ZNF652: variants seen among roughly 807,000 people sequenced by gnomAD.
ZNF652 encodes the protein zinc finger protein 652.
In ZNF652, 16 loss-of-function variants were observed where a neutral mutation model predicts 45.2. The observed-to-expected ratio is 0.35, with a 90% CI of 0.24 to 0.54. ZNF652 has a LOEUF of 0.54. Among genes scored for constraint, ZNF652 ranks in the 20% least tolerant of loss-of-function variants. The pLI is 0.91. For missense variants in ZNF652, 614 were observed against 765.6 expected (o/e 0.80, Z 2.34); for synonymous variants, 250 against 260.6 (o/e 0.96, Z 0.39).
At chr17:49,320,472 C>A (rs1287559336) in intron 1 of ZNF652, among the ~76,000 whole-genome samples, 1 of 152,166 alleles carries the variant, frequency 6.6e-6, no homozygotes, top group Non-Finnish European at 1.5e-5. Flanking sequence ...TATTTGACTC[C>A]AGGCCTGCCT....
chr17:49,308,781 G>A, intron 5 of ZNF652, among the ~76,000 whole-genome samples: 1 of 149,948 alleles, frequency 6.7e-6, no homozygotes. Context: ...CAGCCTGGGT[G>A]ACAGAGCAAT....
At chr17:49,319,372 C>T (rs527284117) in intron 1 of ZNF652, among the ~76,000 whole-genome samples, 3 of 151,548 alleles carry the variant, frequency 2.0e-5, no homozygotes, top group African/African-American at 7.3e-5. Context: ...CAGTGGCTCA[C>T]GCCTGTAATC....
Position 49,298,589 on chromosome 17 carries a change from G to C in ZNF652, c.1645C>G (p.His549Asp). The C allele has an allele frequency of 6.2e-7, 1 of 1,612,078 alleles. No homozygotes were observed. Among genetic ancestry groups the C allele is most frequent in the Non-Finnish European group, 8.5e-7 (1 of 1,179,202 alleles). The change falls in exon 6 of 6, where the codon CAC becomes GAC. Residue 549 changes from histidine to aspartate, a missense_variant. Transcript: ENST00000430262. The part of the protein sequence containing the change: ...PPRPIPHPFS[H>D]LHIHPHPHHP... ...TGAGGGTGTGGGTGGATGTGCAGGT[G>C]TGAGAAGGGGTGGGGGATGGGCCGA...
intron 5 of ZNF652, among the ~76,000 whole-genome samples, chr17:49,308,085 A>C (rs1167497365): frequency 1.3e-5 from 2 of 152,066 alleles, no homozygotes; most frequent in African/African-American, 4.8e-5. Flanking sequence ...ATATGCCAAA[A>C]TGTTAAGAGT....
intron 2 of ZNF652, among the ~76,000 whole-genome samples, chr17:49,313,436 C>T (rs1037033790): frequency 6.6e-6 from 1 of 152,144 alleles, no homozygotes; most frequent in Admixed American, 6.6e-5. Flanking sequence ...CGATTACAGG[C>T]ATGAGTCACC....
chr17:49,332,235 TC>T (rs2070032745), intron 1 of ZNF652, among the ~76,000 whole-genome samples: 1 of 152,194 alleles, frequency 6.6e-6, no homozygotes, highest in Non-Finnish European at 1.5e-5. Context: ...ACCACTGCAC[TC>T]CAGCCTGGGG....
rs1416239119 is a variant in ZNF652, at chr17:49,289,448, A to G, written c.*8965T>C. On this transcript the variant is annotated 3_prime_UTR_variant, in exon 6 of 6. Transcript: ENST00000430262. ...GAGTTGAAATAAAAAAGTGCATTTCAATTGCTAAAAAAATAATATCGGTAT... is the reference window on the plus strand; with the variant it reads ...GAGTTGAAATAAAAAAGTGCATTTCGATTGCTAAAAAAATAATATCGGTAT... 1 of 152,228 alleles carries G rather than the reference A, an allele frequency of 6.6e-6. No individual in the cohort carries two copies. The highest frequency in any genetic ancestry group is 1.5e-5 in the Non-Finnish European group (1 of 68,028). The allele number at this position is 152,228 out of a possible 1,614,324, so 9.4% of individuals were successfully genotyped here.
chr17:49,333,919 A>ATGT (rs2070053881), intron 1 of ZNF652, among the ~76,000 whole-genome samples: 1 of 152,016 alleles, frequency 6.6e-6, no homozygotes, highest in Non-Finnish European at 1.5e-5. Flanking sequence ...GAAGCCTCAT[A>ATGT]TGTTACTGGT....
rs375103284 is a variant in ZNF652, at chr17:49,298,756, C to T, written c.1478G>A (p.Arg493Gln). Residue 493 changes from arginine to glutamine, a missense_variant, in exon 6 of 6, where the codon CGG becomes CAG. By Grantham distance (43) the Arg-to-Gln change is conservative. Transcript: ENST00000430262. Reference protein sequence around the residue: ...MLKAHKEKCFRVTSPVNVPPA... With the variant: ...MLKAHKEKCFQVTSPVNVPPA... The stretch of plus-strand genomic sequence containing the variant: ...TGGCACATTCACGGGGCTGGTCACC[C>T]GAAAGCACTTCTCCTTGTGGGCCTT... 9.9e-6 allele frequency: 16 copies of T among 1,613,832 alleles called. No homozygotes were observed. Among genetic ancestry groups the T allele is most frequent in the African/African-American group, 2.7e-5 (2 of 74,840 alleles).
At chr17:49,312,160 T>TC (rs1491563737) in intron 3 of ZNF652, 118 bp from the exon 4 acceptor site, 20 of 78,078 alleles carry the variant, frequency 2.6e-4, no homozygotes, top group Admixed American at 4.5e-4. Flanking sequence ...TTTGTGAGGC[T>TC]TTTTTTTTTT....
chr17:49,317,332 T>C lies in ZNF652; in HGVS notation c.394A>G (p.Lys132Glu). ...TGAGAAGAGACACCCTTTTCCCCTTTAGATACATTTAATGTTTGATTATTA... is the reference window on the plus strand; with the variant it reads ...TGAGAAGAGACACCCTTTTCCCCTTCAGATACATTTAATGTTTGATTATTA... ...NLNNQTLNVS[K>E]GEKGVSSQSK... is the part of the protein sequence containing the mutation. Residue 132 changes from lysine (K) to glutamate (E), a missense_variant, in exon 2 of 6, where the codon AAA (lysine) becomes GAA (glutamate). Around this residue, in one of 5 missense-constraint regions of ZNF652, gnomAD observed 262 missense variants for 306.3 expected, o/e 0.86. Transcript: ENST00000430262. 6.2e-7 allele frequency: 1 copy of C among 1,613,668 alleles called. No individual in the cohort carries two copies. Among genetic ancestry groups the C allele is most frequent in the South Asian group, 1.1e-5 (1 of 91,082 alleles).
In ZNF652 at chr17:49,294,909, T is replaced by C. The variant is rs919353104; in HGVS notation, c.*3504A>G. ...ACAGATAACAAGTAGGTAAAAAGTT[T>C]TGAAGAATTCATGGGGTGCTGTAGC... On this transcript the variant is annotated 3_prime_UTR_variant, in exon 6 of 6. Coordinates refer to ENST00000430262, the MANE Select transcript of ZNF652 (RefSeq NM_001145365.3). 11 of 152,208 alleles carry C rather than the reference T, an allele frequency of 7.2e-5. No homozygotes were observed. The highest frequency in any genetic ancestry group is 2.0e-4 in the Admixed American group (3 of 15,270). 9.4% of individuals were successfully genotyped at this position (152,208 alleles called of 1,614,324 possible). A position where few individuals can be genotyped will look rare whatever the true frequency, so the allele number is the denominator to read the frequency against.
intron 1 of ZNF652, among the ~76,000 whole-genome samples, chr17:49,344,982 A>C (rs2070189156): frequency 6.6e-6 from 1 of 152,168 alleles, no homozygotes. Context: ...TTATCTAAGA[A>C]TCAAAAAGTT....
At chr17:49,351,239 T>G (rs888221198) in intron 1 of ZNF652, among the ~76,000 whole-genome samples, 1 of 151,766 alleles carries the variant, frequency 6.6e-6, no homozygotes, top group Non-Finnish European at 1.5e-5. Context: ...AAAACCTGAC[T>G]GACTTCTGAC....
chr17:49,308,924 ATAAC>A (rs1348040739), intron 5 of ZNF652, among the ~76,000 whole-genome samples: 1 of 152,206 alleles, frequency 6.6e-6, no homozygotes, highest in Admixed American at 6.5e-5. Flanking sequence ...AATTTATACA[ATAAC>A]TAAAATAATC....
In ZNF652 at chr17:49,291,176, TC is replaced by T. The variant is rs1415934214; in HGVS notation, c.*7236del. On this transcript the variant is annotated 3_prime_UTR_variant, in exon 6 of 6. Transcript: ENST00000430262. ...AGGAGCTCTAGCAGAATAAAATACT[TC>T]CCACCAACTTTCAAATGCAATGAAA... 3.3e-5 allele frequency: 5 copies of T among 152,156 alleles called. No individual in the cohort carries two copies. The highest frequency in any genetic ancestry group is 6.5e-5 in the Admixed American group (1 of 15,272). 9.4% of individuals were successfully genotyped at this position (152,156 alleles called of 1,614,324 possible).
rs1362264321 is a variant in ZNF652 at position 49,327,763 on chromosome 17, ATATATATATATATATATTTTTTT to A, written c.-258-9803_-258-9781del. ...TATATATATATATATATATATATAT[ATATATATATATATATATTTTTTT>A]TTTTTTTTTTTAGTAGAGATAGGGT... On this transcript the variant is annotated intron_variant, in intron 1 of 5. Coordinates refer to ENST00000430262, the MANE Select transcript of ZNF652 (RefSeq NM_001145365.3). 5.9e-3 allele frequency among the ~76,000 whole-genome samples: 36 copies of A among 6,116 alleles called. 1 individual carries two copies. Among genetic ancestry groups the A allele is most frequent in the African/African-American group, 0.022 (31 of 1,392 alleles). 4.0% of individuals were successfully genotyped at this position (6,116 alleles called of 152,430 possible).
At chr17:49,356,360 C>T (rs1309961916) in intron 1 of ZNF652, among the ~76,000 whole-genome samples, 1 of 120,218 alleles carries the variant, frequency 8.3e-6, no homozygotes, top group African/African-American at 3.2e-5. Flanking sequence ...ACCCGGGAGG[C>T]GGAGGCTGCA....
In ZNF652 at chr17:49,317,880, G is replaced by T; in HGVS notation, c.-155C>A. On this transcript the variant is annotated 5_prime_UTR_variant, in exon 2 of 6. The change creates a premature stop within an existing upstream ORF in the 5' untranslated region. Transcript: ENST00000430262. ...AACTGTGTGCAATTCTTCCAGTGTT[G>T]CAGCACCAAAGCATGAGTCAAAAAG... 2 of 840,230 alleles carry T rather than the reference G, an allele frequency of 2.4e-6. No individual in the cohort carries two copies. The highest frequency in any genetic ancestry group is 3.5e-6 in the Non-Finnish European group (2 of 575,426). 52.0% of individuals were successfully genotyped at this position (840,230 alleles called of 1,614,324 possible).
Sources: gnomAD v4.1 joint callset for allele counts (sites outside exome capture counted in the v4.1 genomes callset) on GRCh38, gnomAD v4.1.1 for gene constraint, gnomAD v4.1.1 regional missense constraint, MANE v1.5 for transcripts, NCBI Gene and HGNC (gene_info 2026-07-23, HGNC 2026-07-21) for gene names.